Variants in INPP4B observed in about 807,000 individuals in gnomAD.
INPP4B encodes the protein inositol polyphosphate 4-phosphatase type II.
In INPP4B, 55 loss-of-function variants were observed where a neutral mutation model predicts 122.5. The ratio of observed to expected loss-of-function variants is 0.45; its 90% CI spans 0.36 to 0.56. The LOEUF (loss-of-function observed/expected upper bound fraction) is 0.56. INPP4B is among the 20% of genes least tolerant of loss of function. The probability of loss-of-function intolerance (pLI) is 0.00; values close to 1 mark genes in which losing one functional copy is unlikely to be tolerated. For missense variants in INPP4B, 1,000 were observed against 1,097.7 expected (o/e 0.91, Z 1.26); for synonymous variants, 403 against 388.7 (o/e 1.04, Z -0.43).
At chr4:142,629,992 G>T in intron 2 of INPP4B, among the ~76,000 whole-genome samples, 1 of 152,220 alleles carries the variant, frequency 6.6e-6, no homozygotes, top group South Asian at 2.1e-4. Flanking sequence ...ACTAAACATT[G>T]TCTAGACATT....
At chr4:142,038,906 T>C (rs336338) in intron 25 of INPP4B, among the ~76,000 whole-genome samples, 15,746 of 152,150 alleles carry the variant, frequency 0.1, 1,495 homozygotes, top group African/African-American at 0.25. Context: ...TATTAGTTTT[T>C]GTATAAGCTC....
At chr4:142,638,645 G>T (rs137911505) in intron 2 of INPP4B, among the ~76,000 whole-genome samples, 1,733 of 149,586 alleles carry the variant, frequency 0.012, 29 homozygotes, top group African/African-American at 0.032. Context: ...CCAGGTTCAC[G>T]CCATTCTCCC....
At chr4:142,640,681 T>C (rs1306512941) in intron 2 of INPP4B, among the ~76,000 whole-genome samples, 1 of 151,888 alleles carries the variant, frequency 6.6e-6, no homozygotes, top group Non-Finnish European at 1.5e-5. Context: ...GTCAGAAAGC[T>C]AGATAAGACA....
intron 9 of INPP4B, among the ~76,000 whole-genome samples, chr4:142,303,954 C>T (rs994964521): frequency 6.6e-6 from 1 of 151,908 alleles, no homozygotes; most frequent in African/African-American, 2.4e-5. Flanking sequence ...ACTGCTTGTC[C>T]CCTGATTTCT....
At chr4:142,171,539 C>G (rs548481663) in intron 16 of INPP4B, among the ~76,000 whole-genome samples, 1 of 151,946 alleles carries the variant, frequency 6.6e-6, no homozygotes, top group Admixed American at 6.6e-5. Context: ...CACTAAAACT[C>G]TCTCTCTTTC....
At chr4:142,327,298 C>T (rs1459750508) in intron 7 of INPP4B, among the ~76,000 whole-genome samples, 1 of 152,118 alleles carries the variant, frequency 6.6e-6, no homozygotes, top group Non-Finnish European at 1.5e-5. Context: ...AGCTTTAAAA[C>T]AAAACTATCG....
chr4:142,447,688 CAG>C (rs1288334652), intron 3 of INPP4B, among the ~76,000 whole-genome samples: 1 of 152,034 alleles, frequency 6.6e-6, no homozygotes, highest in Non-Finnish European at 1.5e-5. Context: ...TCTGGAGGAC[CAG>C]GAGTTTGAAC....
chr4:142,735,924 AACAC>A (rs33993491), intron 1 of INPP4B, among the ~76,000 whole-genome samples: 15,819 of 142,528 alleles, frequency 0.11, 1,032 homozygotes, highest in African/African-American at 0.19. Context: ...TATACATTGC[AACAC>A]ACACACACAC....
intron 3 of INPP4B, among the ~76,000 whole-genome samples, chr4:142,444,736 T>C (rs1013986217): frequency 6.6e-6 from 1 of 151,942 alleles, no homozygotes; most frequent in Non-Finnish European, 1.5e-5. Flanking sequence ...CTATTCACAA[T>C]AGCAAAGACT....
intron 23 of INPP4B, among the ~76,000 whole-genome samples, chr4:142,101,875 C>T (rs1366727662): frequency 1.3e-5 from 2 of 152,148 alleles, no homozygotes; most frequent in East Asian, 3.9e-4. Context: ...GAGTTCTCTC[C>T]TGTGTTGGAA....
chr4:142,244,158 G>A (rs1039859822), intron 11 of INPP4B, among the ~76,000 whole-genome samples: 1 of 151,528 alleles, frequency 6.6e-6, no homozygotes, highest in African/African-American at 2.4e-5. Flanking sequence ...GAGAACATGC[G>A]GTGTTTGGTT....
intron 9 of INPP4B, among the ~76,000 whole-genome samples, chr4:142,304,183 A>T (rs971961089): frequency 6.6e-6 from 1 of 152,130 alleles, no homozygotes; most frequent in African/African-American, 2.4e-5. Context: ...GTCACATTCA[A>T]TAGTCAGGCT....
intron 2 of INPP4B, among the ~76,000 whole-genome samples, chr4:142,577,372 T>A (rs1170070398): frequency 1.3e-5 from 2 of 151,986 alleles, no homozygotes; most frequent in Non-Finnish European, 2.9e-5. Context: ...TACCATTGTA[T>A]GTATTTTCTG....
Position 142,208,896 on chromosome 4 carries a change from C to T in INPP4B, c.967G>A (p.Gly323Arg), listed in dbSNP as rs1843678063. 2 of 1,558,310 alleles carry T rather than the reference C, an allele frequency of 1.3e-6. No homozygotes were observed. Among genetic ancestry groups the T allele is most frequent in the African/African-American group, 2.7e-5 (2 of 73,758 alleles). ...DILTELSKET[G>R]SSFKSSSSKG... is the part of the protein sequence containing the mutation. ...GTAAGTAGAGAAATTGCTTCCACAC[C>T]TGTTTCCTTGCTAAGTTCTGTCAGA... The change falls in exon 13 of 26, where the codon GGG (glycine) becomes AGG (arginine). Residue 323 changes from glycine to arginine, a missense_variant and splice_region_variant. Physicochemically the swap from Gly to Arg is moderately radical, Grantham distance 125 (BLOSUM62 -2). Coordinates refer to ENST00000262992, the MANE Select transcript of INPP4B (RefSeq NM_001101669.3).
chr4:142,506,296 C>T (rs1824016949), intron 2 of INPP4B, among the ~76,000 whole-genome samples: 2 of 152,064 alleles, frequency 1.3e-5, no homozygotes, highest in African/African-American at 4.8e-5. Context: ...TAGAGAGGTG[C>T]CAGACACTCC....
chr4:142,074,424 G>C (rs1769329377), intron 25 of INPP4B, among the ~76,000 whole-genome samples: 1 of 152,204 alleles, frequency 6.6e-6, no homozygotes, highest in South Asian at 2.1e-4. Context: ...GGGATGTGTG[G>C]AGAAATGGGA....
intron 1 of INPP4B, among the ~76,000 whole-genome samples, chr4:142,750,104 A>G (rs1041304014): frequency 6.6e-6 from 1 of 152,068 alleles, no homozygotes; most frequent in Non-Finnish European, 1.5e-5. Flanking sequence ...GAGATGAAGC[A>G]CAATCATTAG....
intron 18 of INPP4B, among the ~76,000 whole-genome samples, chr4:142,129,203 G>C (rs1230158257): frequency 6.6e-6 from 1 of 152,184 alleles, no homozygotes; most frequent in African/African-American, 2.4e-5. Flanking sequence ...CCAAGGTCAT[G>C]AAGTGAACAC....
chr4:142,336,920 T>C (rs966530771), intron 7 of INPP4B, among the ~76,000 whole-genome samples: 2 of 152,222 alleles, frequency 1.3e-5, no homozygotes, highest in African/African-American at 2.4e-5. Context: ...TTTCTCCTAA[T>C]ACAACCCCAG....
Sources: gnomAD v4.1 joint callset for allele counts (sites outside exome capture counted in the v4.1 genomes callset) on GRCh38, gnomAD v4.1.1 for gene constraint, MANE v1.5 for transcripts, NCBI Gene and HGNC (gene_info 2026-07-23, HGNC 2026-07-21) for gene names.